Variants in RIPK2 observed in about 807,000 individuals in gnomAD.
RIPK2 encodes the protein receptor interacting serine/threonine kinase 2.
RIPK2 carries 38 observed loss-of-function variants against 60.9 expected under a neutral mutation model. The observed-to-expected ratio is 0.62, with a 90% CI of 0.48 to 0.82. The LOEUF (loss-of-function observed/expected upper bound fraction) is 0.82, where lower values mean the gene tolerates loss of function less well. Among genes scored for constraint, RIPK2 ranks in the 40% least tolerant of loss-of-function variants. RIPK2 has a pLI of 0.00. For synonymous variants in RIPK2, 225 were observed against 223.4 expected, an observed-to-expected ratio of 1.01 and a Z score of -0.06; for missense variants, 518 against 647.0, an observed-to-expected ratio of 0.80 and a Z score of 2.16.
intron 7 of RIPK2, chr8:89,780,881 G>T (rs964876226): frequency 3.3e-5 from 5 of 150,284 alleles, no homozygotes; most frequent in African/African-American, 1.2e-4. Context: ...TAGGAGAGTT[G>T]TATTAAATAC....
chr8:89,761,603 C>A (rs1161262713), intron 1 of RIPK2, among the ~76,000 whole-genome samples: 1 of 151,840 alleles, frequency 6.6e-6, no homozygotes, highest in Non-Finnish European at 1.5e-5. Flanking sequence ...TTCCCCAACT[C>A]AAAAACTTTC....
intron 1 of RIPK2, among the ~76,000 whole-genome samples, chr8:89,759,959 C>A (rs2130539337): frequency 6.6e-6 from 1 of 152,264 alleles, no homozygotes; most frequent in Non-Finnish European, 1.5e-5. Context: ...GTCTAAAATT[C>A]TTCACTGAAT....
Position 89,771,782 on chromosome 8 carries a change from C to A in RIPK2, c.683C>A (p.Pro228His). ...TGGGAAGTGTTATCCAGAAAACAGC[C>A]TTTTGAAGGTAAGTATGGTTTGACT... ...ITWEVLSRKQ[P>H]FEDVTNPLQI... Residue 228 changes from proline to histidine, a missense_variant, in exon 5 of 11, where the codon CCT becomes CAT. Pro to His is a moderately conservative substitution (Grantham distance 77). Coordinates refer to ENST00000220751, the MANE Select transcript of RIPK2 (RefSeq NM_003821.6). 6.2e-7 allele frequency: 1 copy of A among 1,603,256 alleles called. No homozygotes were observed. Among genetic ancestry groups the A allele is most frequent in the Non-Finnish European group, 8.5e-7 (1 of 1,172,264 alleles).
chr8:89,770,744 A>T (rs1390944669), intron 4 of RIPK2, among the ~76,000 whole-genome samples: 1 of 151,914 alleles, frequency 6.6e-6, no homozygotes. Context: ...ATATTTAATT[A>T]AATTGCATAT....
Position 89,780,091 on chromosome 8 carries a change from T to C in RIPK2, c.870T>C (p.Leu290=), listed in dbSNP as rs758984676. 1 of 1,551,240 alleles carries C rather than the reference T, an allele frequency of 6.4e-7. No homozygotes were observed. The highest frequency in any genetic ancestry group is 1.8e-5 in the Admixed American group (1 of 55,874). ...CTTATGTAGAATGTTTAATAGAACT[T>C]GAACCAGTTTTGAGAACATTTGAAG... ...RPSFLKCLIE[L]EPVLRTFEEI... Residue 290 remains leucine, a synonymous_variant, in exon 7 of 11, where the codon CTT becomes CTC. Coordinates refer to ENST00000220751, the MANE Select transcript of RIPK2 (RefSeq NM_003821.6).
intron 1 of RIPK2, among the ~76,000 whole-genome samples, chr8:89,759,105 G>C (rs142463965): frequency 1.3e-5 from 2 of 152,358 alleles, no homozygotes; most frequent in African/African-American, 4.8e-5. Flanking sequence ...AGATTAAGTA[G>C]AGGAAATGTG....
At chr8:89,765,311 C>G (rs754338536) in intron 2 of RIPK2, 30 bp from the exon 3 acceptor site, 10 of 1,535,734 alleles carry the variant, frequency 6.5e-6, no homozygotes, top group African/African-American at 1.4e-5. Context: ...GGACTAATTT[C>G]ATTTTCTTTC....
At chr8:89,767,709 C>A (rs1309970328) in intron 3 of RIPK2, among the ~76,000 whole-genome samples, 2 of 151,650 alleles carry the variant, frequency 1.3e-5, no homozygotes, top group African/African-American at 4.8e-5. Context: ...AATGATCAAC[C>A]AAAATTCCTT....
Position 89,758,070 on chromosome 8 carries a change from G to GCCC in RIPK2, c.10_11insCCC (p.Glu4delinsAlaGln). 1 of 1,600,562 alleles carries GCCC rather than the reference G, an allele frequency of 6.2e-7. No individual in the cohort carries two copies. The highest frequency in any genetic ancestry group is 8.5e-7 in the Non-Finnish European group (1 of 1,173,854). ...CTGAGCGCCCGGGACCATGAACGGG[G>GCCC]AGGCCATCTGCAGCGCCCTGCCCAC... On this transcript the variant is annotated protein_altering_variant, in exon 1 of 11. Transcript: ENST00000220751.
At chr8:89,786,164 G>A (rs1809583853) in intron 8 of RIPK2, among the ~76,000 whole-genome samples, 1 of 152,106 alleles carries the variant, frequency 6.6e-6, no homozygotes, top group Non-Finnish European at 1.5e-5. Flanking sequence ...CTTTAATTTT[G>A]TAAAGTATAA....
chr8:89,784,141 TAAAAAAAAAAA>T lies in RIPK2; in HGVS notation c.1029+15_1029+25del, dbSNP rs71268283. The T allele has an allele frequency of 4.4e-4, 243 of 558,286 alleles. 2 individuals are homozygous for T. The East Asian group carries it at 9.0e-3, about 21-fold the overall frequency. The allele number at this position is 558,286 out of a possible 1,614,324, so 34.6% of individuals were successfully genotyped here. On this transcript the variant is annotated splice_donor_5th_base_variant and intron_variant, in intron 8 of 10. Coordinates refer to ENST00000220751, the MANE Select transcript of RIPK2 (RefSeq NM_003821.6). ...CCTGTAAATCATGGTCCACAAGAGGTAAAAAAAAAAAAAAAAAAAAAAAGGTTATATTAAAC... is the reference window on the plus strand; with the variant it reads ...CCTGTAAATCATGGTCCACAAGAGGTAAAAAAAAAAAAGGTTATATTAAAC...
rs201094757 is a variant in RIPK2, at chr8:89,790,309, G to A, written c.1516G>A (p.Val506Ile). Residue 506 changes from valine to isoleucine, a missense_variant, in exon 11 of 11, where the codon GTA becomes ATA. Around this residue, in one of 3 missense-constraint regions of RIPK2, gnomAD observed 41 missense variants for 43.7 expected, o/e 0.94. Coordinates refer to ENST00000220751, the MANE Select transcript of RIPK2 (RefSeq NM_003821.6). Reference protein sequence around the residue: ...IQGEEFAKVIVQKLKDNKQMG... With the variant: ...IQGEEFAKVIIQKLKDNKQMG... ...AGGAGAAGAATTTGCCAAAGTTATA[G>A]TACAAAAATTGAAAGATAACAAACA... 67 of 1,613,892 alleles carry A rather than the reference G, an allele frequency of 4.2e-5. No individual in the cohort carries two copies. The highest frequency in any genetic ancestry group is 8.3e-5 in the Admixed American group (5 of 59,998).
intron 6 of RIPK2, among the ~76,000 whole-genome samples, chr8:89,777,524 T>C (rs1238281468): frequency 6.6e-6 from 1 of 152,150 alleles, no homozygotes; most frequent in Non-Finnish European, 1.5e-5. Context: ...TTTTAAACTG[T>C]CTTAACTGAA....
At chr8:89,780,255 A>T in intron 7 of RIPK2, 95 bp downstream of exon 7, 2 of 606,692 alleles carry the variant, frequency 3.3e-6, no homozygotes, top group Non-Finnish European at 5.6e-6. Context: ...TAATATATAT[A>T]CTTTACACAG....
intron 2 of RIPK2, among the ~76,000 whole-genome samples, chr8:89,763,403 A>G (rs1209678830): frequency 1.3e-5 from 2 of 152,174 alleles, no homozygotes; most frequent in African/African-American, 4.8e-5. Flanking sequence ...AATATTAATA[A>G]ATTATCTCTG....
In RIPK2 at chr8:89,762,918, C is replaced by A; in HGVS notation, c.263C>A (p.Pro88His). Reference protein sequence around the residue: ...ILPILGICNEPEFLGIVTEYM... With the variant: ...ILPILGICNEHEFLGIVTEYM... ...CCAATTTTGGGAATTTGCAATGAGC[C>A]TGAATTTTTGGGAATAGTTACTGAA... is the stretch of plus-strand genomic sequence containing the variant. The change falls in exon 2 of 11, where the codon CCT becomes CAT. Residue 88 changes from proline to histidine, a missense_variant. Transcript: ENST00000220751. The A allele has an allele frequency of 6.5e-7, 1 of 1,530,516 alleles. No individual in the cohort carries two copies. Among genetic ancestry groups the A allele is most frequent in the Non-Finnish European group, 8.8e-7 (1 of 1,131,660 alleles). 94.8% of individuals were successfully genotyped at this position (1,530,516 alleles called of 1,614,324 possible).
intron 7 of RIPK2, among the ~76,000 whole-genome samples, chr8:89,781,354 A>ATTTTTTTTTTTCTTTTTTTTTTT (rs1161497561): frequency 1.4e-5 from 2 of 143,962 alleles, no homozygotes; most frequent in African/African-American, 5.2e-5. Flanking sequence ...AATAGATTGA[A>ATTTTTTTTTTTCTTTTTTTTTTT]TTTTTTTTTT....
At chr8:89,779,510 C>T (rs539427929) in intron 6 of RIPK2, among the ~76,000 whole-genome samples, 7 of 151,796 alleles carry the variant, frequency 4.6e-5, no homozygotes, top group East Asian at 1.9e-4. Flanking sequence ...TTAGTAGAGA[C>T]GGGGTTTCAC....
intron 1 of RIPK2, among the ~76,000 whole-genome samples, chr8:89,762,360 A>G (rs1209081031): frequency 2.0e-5 from 3 of 152,174 alleles, no homozygotes; most frequent in Non-Finnish European, 4.4e-5. Context: ...TATTGAATCT[A>G]TAACATTTAA....
Sources: allele counts gnomAD v4.1 joint callset (sites outside exome capture counted in the v4.1 genomes callset), GRCh38; gene constraint gnomAD v4.1.1; regional missense constraint gnomAD v4.1.1; transcripts MANE v1.5; gene names NCBI Gene and HGNC (gene_info 2026-07-23, HGNC 2026-07-21).